SEC14L1: variants seen among roughly 807,000 people sequenced by gnomAD.
SEC14L1 encodes SEC14 like lipid binding 1.
Under a neutral mutation model 85.3 loss-of-function variants are expected in SEC14L1, and 48 were observed. That is an observed-to-expected ratio of 0.56 (90% confidence interval 0.45 to 0.72). SEC14L1 has a LOEUF of 0.72. SEC14L1 is among the 30% of genes least tolerant of loss of function. The pLI, the probability that SEC14L1 is intolerant of heterozygous loss-of-function variation, is 0.00. For synonymous variants in SEC14L1, 391 were observed against 355.5 expected (o/e 1.10, Z -1.12); for missense variants, 682 against 921.4 (o/e 0.74, Z 3.36).
chr17:77,115,159 G>A (rs913609457), intron 3 of SEC14L1, among the ~76,000 whole-genome samples: 3 of 151,542 alleles, frequency 2.0e-5, no homozygotes, highest in Admixed American at 6.6e-5. Flanking sequence ...GGCCGGGCAC[G>A]GTGGCTCATG....
At position 77,214,774 on chromosome 17, in the gene SEC14L1, T is replaced by TG. The variant is rs1051041729; in HGVS notation, c.*758dup. ...GGATTTTTCTGTATGTGAACTTGGG[T>TG]GGGGGGGTTCTTCCCGTTTCCTTCC... is the stretch of plus-strand genomic sequence containing the variant. On this transcript the variant is annotated 3_prime_UTR_variant, in exon 17 of 17. Coordinates refer to ENST00000436233, the MANE Select transcript of SEC14L1 (RefSeq NM_001143998.2). 10 of 985,298 alleles carry TG rather than the reference T, an allele frequency of 1.0e-5. No homozygotes were observed. The South Asian group carries it at 1.9e-4, about 19-fold the overall frequency. The allele number at this position is 985,298 out of a possible 1,614,324, so 61.0% of individuals were successfully genotyped here. A position where few individuals can be genotyped will look rare whatever the true frequency, so the allele number is the denominator to read the frequency against.
At chr17:77,103,055 C>A (rs957653590) in intron 3 of SEC14L1, among the ~76,000 whole-genome samples, 1 of 152,106 alleles carries the variant, frequency 6.6e-6, no homozygotes, top group Non-Finnish European at 1.5e-5. Context: ...TGATCCTCCA[C>A]CTCGGCCTCC....
intron 3 of SEC14L1, among the ~76,000 whole-genome samples, chr17:77,124,731 G>A (rs1972391758): frequency 6.6e-6 from 1 of 152,160 alleles, no homozygotes; most frequent in African/African-American, 2.4e-5. Flanking sequence ...ATTGGAGGCA[G>A]CTCAGGTTTA....
rs1305587405 is a variant in SEC14L1 at position 77,214,132 on chromosome 17, A to G, written c.*109A>G. Reference sequence around the variant, plus strand: ...CATTGTACAGACTCCTCTCACCTCTAGATAGCAAATAGCTCTCAGATGGTA... The same window carrying G: ...CATTGTACAGACTCCTCTCACCTCTGGATAGCAAATAGCTCTCAGATGGTA... On this transcript the variant is annotated 3_prime_UTR_variant, in exon 17 of 17. Coordinates refer to ENST00000436233, the MANE Select transcript of SEC14L1 (RefSeq NM_001143998.2). 1 of 1,485,198 alleles carries G rather than the reference A, an allele frequency of 6.7e-7. No individual in the cohort carries two copies. Among genetic ancestry groups the G allele is most frequent in the African/African-American group, 1.4e-5 (1 of 70,972 alleles). 92.0% of individuals were successfully genotyped at this position (1,485,198 alleles called of 1,614,324 possible).
intron 3 of SEC14L1, among the ~76,000 whole-genome samples, chr17:77,098,035 G>T (rs201875440): frequency 6.6e-6 from 1 of 152,138 alleles, no homozygotes; most frequent in Non-Finnish European, 1.5e-5. Context: ...CAAGCAAAAG[G>T]AGTTGATGAG....
Position 77,191,242 on chromosome 17 carries a change from C to A in SEC14L1, c.275C>A (p.Thr92Asn). Residue 92 changes from threonine (T) to asparagine (N), a missense_variant, in exon 5 of 17, where the codon ACT (threonine) becomes AAT (asparagine). By Grantham distance (65) the Thr-to-Asn change is moderately conservative (BLOSUM62 0). Around this residue, in one of 3 missense-constraint regions of SEC14L1, gnomAD observed 139 missense variants for 201.3 expected, o/e 0.69. Coordinates refer to ENST00000436233, the MANE Select transcript of SEC14L1 (RefSeq NM_001143998.2). ...AACTCACTGAATTCTCGGGAACGTA[C>A]TTTGCACATTGAGGCTTATAATGAA... ...QKNSLNSRER[T>N]LHIEAYNETF... The A allele has an allele frequency of 6.2e-7, 1 of 1,613,678 alleles. No individual in the cohort carries two copies. The highest frequency in any genetic ancestry group is 8.5e-7 in the Non-Finnish European group (1 of 1,179,660).
chr17:77,134,332 C>T (rs1424511043), intron 3 of SEC14L1, among the ~76,000 whole-genome samples: 3 of 151,956 alleles, frequency 2.0e-5, no homozygotes, highest in Non-Finnish European at 4.4e-5. Flanking sequence ...TCACTGCAGC[C>T]TCAACCTCCT....
At chr17:77,175,803 A>T (rs1974726753) in intron 3 of SEC14L1, among the ~76,000 whole-genome samples, 1 of 152,218 alleles carries the variant, frequency 6.6e-6, no homozygotes, top group Non-Finnish European at 1.5e-5. Context: ...CCTCTGGGAC[A>T]AATCAGCCTA....
intron 14 of SEC14L1, among the ~76,000 whole-genome samples, 155 bp downstream of exon 14, chr17:77,209,631 G>T (rs975246389): frequency 6.6e-6 from 1 of 152,208 alleles, no homozygotes; most frequent in Non-Finnish European, 1.5e-5. Context: ...TTTAGTTTCA[G>T]TAAATGTCAA....
chr17:77,102,339 G>A (rs1971797406), intron 3 of SEC14L1, among the ~76,000 whole-genome samples: 1 of 152,172 alleles, frequency 6.6e-6, no homozygotes, highest in South Asian at 2.1e-4. Context: ...GTTCACGTGG[G>A]TGGCTCAGGT....
Position 77,108,805 on chromosome 17 carries a change from A to T in SEC14L1, c.-136+15458A>T, listed in dbSNP as rs373980933. Among the ~76,000 whole-genome samples the T allele has an allele frequency of 4.5e-3, 594 of 131,668 alleles. 5 individuals carry two copies. The highest frequency in any genetic ancestry group is 9.4e-3 in the South Asian group (40 of 4,272). 86.4% of individuals were successfully genotyped at this position (131,668 alleles called of 152,430 possible). A position where few individuals can be genotyped will look rare whatever the true frequency, so the allele number is the denominator to read the frequency against. ...CTGTCTCCAAAAAAAAAAAAAAAAA[A>T]GAATGTATATGTCATCTGTTTCTTT... On this transcript the variant is annotated intron_variant, in intron 3 of 19. Coordinates refer to the SEC14L1 transcript ENST00000392476.
intron 3 of SEC14L1, among the ~76,000 whole-genome samples, chr17:77,102,676 G>A (rs954655635): frequency 2.0e-5 from 3 of 151,898 alleles, no homozygotes; most frequent in South Asian, 4.2e-4. Context: ...GCTAATTTTT[G>A]TATTTTTAGT....
intron 2 of SEC14L1, chr17:77,089,463 T>C (rs1971453041): frequency 3.9e-6 from 2 of 518,782 alleles, no homozygotes; most frequent in African/African-American, 1.9e-5. Context: ...TAGCAGCAGT[T>C]TGATGATCAT....
chr17:77,152,393 G>A (rs888022497), intron 3 of SEC14L1, among the ~76,000 whole-genome samples: 11 of 152,136 alleles, frequency 7.2e-5, no homozygotes, highest in African/African-American at 2.4e-4. Flanking sequence ...AAAATCAGCC[G>A]GGCGTGGTGG....
chr17:77,196,100 C>T (rs1022376874), intron 7 of SEC14L1, 102 bp from the exon 8 acceptor site: 2 of 847,498 alleles, frequency 2.4e-6, no homozygotes, highest in Non-Finnish European at 3.9e-6. Flanking sequence ...TCATGTGCCT[C>T]TAGGACTCTA....
intron 3 of SEC14L1, among the ~76,000 whole-genome samples, chr17:77,110,316 C>A (rs1380337639): frequency 6.6e-6 from 1 of 152,308 alleles, no homozygotes; most frequent in Admixed American, 6.5e-5. Flanking sequence ...GGTCACTGTC[C>A]TCAGCCTCCC....
chr17:77,099,683 G>C (rs903013974), intron 3 of SEC14L1, among the ~76,000 whole-genome samples: 1 of 152,180 alleles, frequency 6.6e-6, no homozygotes, highest in African/African-American at 2.4e-5. Flanking sequence ...TTGAACGTGG[G>C]AGGTGGAGGT....
At chr17:77,209,772 T>C (rs567702963) in intron 14 of SEC14L1, 1 of 273,066 alleles carries the variant, frequency 3.7e-6, no homozygotes, top group African/African-American at 2.2e-5. Flanking sequence ...AGCTAATCTT[T>C]CCTTGTTGGA....
chr17:77,189,145 A>G (rs879709861), intron 3 of SEC14L1, among the ~76,000 whole-genome samples: 1 of 152,212 alleles, frequency 6.6e-6, no homozygotes, highest in Non-Finnish European at 1.5e-5. Context: ...GCAACACCTC[A>G]TTCTATAAAA....
Sources: gnomAD v4.1 joint callset for allele counts (sites outside exome capture counted in the v4.1 genomes callset) on GRCh38, gnomAD v4.1.1 for gene constraint, gnomAD v4.1.1 regional missense constraint, MANE v1.5 for transcripts, NCBI Gene and HGNC (gene_info 2026-07-23, HGNC 2026-07-21) for gene names.